ERG: variants seen among roughly 807,000 people sequenced by gnomAD.
ERG encodes the protein ETS transcription factor ERG.
Under a neutral mutation model 55.3 loss-of-function variants are expected in ERG, and 9 were observed. That is an observed-to-expected ratio of 0.16 (90% CI 0.10 to 0.28). ERG has a LOEUF of 0.28. ERG is among the 10% of genes least tolerant of loss of function. The pLI, the probability that ERG is intolerant of heterozygous loss-of-function variation, is 1.00. For synonymous variants in ERG, 223 were observed against 237.3 expected (o/e 0.94, Z 0.55); for missense variants, 434 against 631.6 (o/e 0.69, Z 3.35).
intron 1 of ERG, among the ~76,000 whole-genome samples, chr21:38,595,622 C>T (rs1279935197): frequency 6.6e-6 from 1 of 152,174 alleles, no homozygotes; most frequent in African/African-American, 2.4e-5. Context: ...GCGGTGGAGG[C>T]TGGCTCTGAA....
At chr21:38,478,441 G>C (rs747746179) in intron 1 of ERG, among the ~76,000 whole-genome samples, 2 of 152,156 alleles carry the variant, frequency 1.3e-5, no homozygotes, top group Non-Finnish European at 2.9e-5. Flanking sequence ...GGTTCTCCCA[G>C]GAACACTGGG....
intron 1 of ERG, among the ~76,000 whole-genome samples, chr21:38,616,226 T>C (rs1031236851): frequency 7.2e-5 from 11 of 152,170 alleles, no homozygotes; most frequent in African/African-American, 2.4e-4. Context: ...TCCCCAGCCA[T>C]GCATAGCTGT....
the ERG span, chr21:38,367,707 G>A: frequency 1.2e-5 from 6 of 489,998 alleles, no homozygotes; most frequent in East Asian, 4.6e-5. Context: ...AATCATAGGC[G>A]ACCCATATTA....
intron 2 of ERG, among the ~76,000 whole-genome samples, chr21:38,541,074 T>C (rs914127176): frequency 1.2e-4 from 18 of 152,138 alleles, no homozygotes; most frequent in African/African-American, 4.1e-4. Flanking sequence ...CAACTTGGAG[T>C]GGAAAGGGCA....
intron 3 of ERG, among the ~76,000 whole-genome samples, chr21:38,407,634 G>GTGTATA (rs1555894514): frequency 0.16 from 530 of 3,306 alleles, 10 homozygotes; most frequent in African/African-American, 0.28. Context: ...CTTACAAAAG[G>GTGTATA]TATATATATA....
chr21:38,427,517 C>T (rs751562123), intron 2 of ERG, among the ~76,000 whole-genome samples: 19 of 152,152 alleles, frequency 1.2e-4, no homozygotes, highest in Non-Finnish European at 2.5e-4. Context: ...ACTGAGTACT[C>T]AAAACACAAG....
At chr21:38,446,446 G>A (rs2058893138) in intron 1 of ERG, among the ~76,000 whole-genome samples, 1 of 152,138 alleles carries the variant, frequency 6.6e-6, no homozygotes, top group South Asian at 2.1e-4. Context: ...GTTAGCCAAT[G>A]GCTATGTTTA....
At chr21:38,540,741 C>T (rs1250327190) in intron 2 of ERG, among the ~76,000 whole-genome samples, 1 of 152,178 alleles carries the variant, frequency 6.6e-6, no homozygotes, top group African/African-American at 2.4e-5. Context: ...GAATTAGGCT[C>T]TTCTGCTGAA....
intron 1 of ERG, among the ~76,000 whole-genome samples, chr21:38,620,923 T>C (rs2060286444): frequency 6.6e-6 from 1 of 152,254 alleles, no homozygotes; most frequent in African/African-American, 2.4e-5. Flanking sequence ...AAGAAGGACC[T>C]TAGACATACT....
intron 1 of ERG, among the ~76,000 whole-genome samples, chr21:38,486,623 A>T (rs1480686052): frequency 2.6e-5 from 4 of 152,250 alleles, no homozygotes; most frequent in Non-Finnish European, 2.9e-5. Context: ...ATTACTTCAA[A>T]AAAACAATTG....
intron 2 of ERG, among the ~76,000 whole-genome samples, chr21:38,439,424 C>T (rs1034840766): frequency 2.6e-5 from 4 of 152,186 alleles, no homozygotes; most frequent in African/African-American, 4.8e-5. Context: ...GCTGAGCAGG[C>T]GCTGAAACTC....
rs182933099 is a variant in ERG at position 38,556,071 on chromosome 21, A to G, written c.-41+19591T>C. On this transcript the variant is annotated intron_variant, in intron 2 of 8. Coordinates refer to the ERG transcript ENST00000398897. ...ACAAAAAATATTTAGCTTAAAATGTATAGAATATACATAGGATGAAATTGC... is the reference window on the plus strand; with the variant it reads ...ACAAAAAATATTTAGCTTAAAATGTGTAGAATATACATAGGATGAAATTGC... Among the ~76,000 whole-genome samples, 27 of 152,260 alleles carry G rather than the reference A, an allele frequency of 1.8e-4. 1 individual carries two copies. In the East Asian group the frequency reaches 4.6e-3, roughly 26 times the overall value.
chr21:38,458,725 G>T (rs1370576015), intron 1 of ERG, among the ~76,000 whole-genome samples: 1 of 152,060 alleles, frequency 6.6e-6, no homozygotes, highest in Non-Finnish European at 1.5e-5. Flanking sequence ...TCCGAAGGTG[G>T]GGGTGGTAGC....
At chr21:38,539,221 C>A (rs926337686) in intron 2 of ERG, among the ~76,000 whole-genome samples, 2 of 152,160 alleles carry the variant, frequency 1.3e-5, no homozygotes, top group Admixed American at 6.5e-5. Flanking sequence ...CCTAGAACTG[C>A]ACAGTCTAAA....
intron 9 of ERG, among the ~76,000 whole-genome samples, chr21:38,387,416 A>C (rs943721759): frequency 6.6e-6 from 1 of 152,192 alleles, no homozygotes; most frequent in Non-Finnish European, 1.5e-5. Context: ...GGGGCAGGAA[A>C]GCATGGTGGT....
At chr21:38,500,467 AT>A (rs901218153), upstream of ERG, among the ~76,000 whole-genome samples, 1 of 152,190 alleles carries the variant, frequency 6.6e-6, no homozygotes, top group African/African-American at 2.4e-5. Context: ...TTACCTCTCT[AT>A]TTTGAAATAA....
chr21:38,463,211 G>A (rs1366194023), intron 1 of ERG, among the ~76,000 whole-genome samples: 1 of 152,144 alleles, frequency 6.6e-6, no homozygotes, highest in Non-Finnish European at 1.5e-5. Flanking sequence ...CTGCTTGCTG[G>A]GGTCTGTGCT....
At chr21:38,636,029 A>G (rs2060385951) in intron 1 of ERG, among the ~76,000 whole-genome samples, 2 of 152,132 alleles carry the variant, frequency 1.3e-5, no homozygotes, top group South Asian at 4.1e-4. Flanking sequence ...GGACCAGGGC[A>G]GGTAACTGAA....
At chr21:38,487,142 T>A (rs2059293505) in intron 1 of ERG, among the ~76,000 whole-genome samples, 2 of 40,948 alleles carry the variant, frequency 4.9e-5, no homozygotes, top group Non-Finnish European at 1.0e-4. Context: ...TTTTTCACTA[T>A]CCTGGAAAAA....
Sources: allele counts gnomAD v4.1 joint callset (sites outside exome capture counted in the v4.1 genomes callset), GRCh38; gene constraint gnomAD v4.1.1; transcripts MANE v1.5; gene names NCBI Gene and HGNC (gene_info 2026-07-23, HGNC 2026-07-21).